The following LRP4 variants were observed in gnomAD, a reference collection of about 807,000 sequenced individuals.
The protein encoded by LRP4 is LDL receptor related protein 4.
LRP4 carries 95 observed loss-of-function variants against 220.3 expected under a neutral mutation model. That is an observed-to-expected ratio of 0.43 (90% confidence interval 0.37 to 0.51). The LOEUF (loss-of-function observed/expected upper bound fraction) is 0.51. LRP4 is among the 20% of genes least tolerant of loss of function. The pLI, the probability that LRP4 is intolerant of heterozygous loss-of-function variation, is 0.00. For synonymous variants in LRP4, 903 were observed against 954.6 expected (o/e 0.95, Z 1.00); for missense variants, 1,925 against 2,567.0 (o/e 0.75, Z 5.40).
chr11:46,879,171 C>G lies in LRP4; in HGVS notation c.2959G>C (p.Glu987Gln). 1 of 1,614,218 alleles carries G rather than the reference C, an allele frequency of 6.2e-7. No homozygotes were observed. The highest frequency in any genetic ancestry group is 8.5e-7 in the Non-Finnish European group (1 of 1,180,040). ...LDRETLQENL[E>Q]NLMDIHVFHR... ...AAGACATGGATGTCCATTAGGTTTT[C>G]CAGGTTCTCCTGCAGAGTCTCCCGG... The change falls in exon 21 of 38, where the codon GAA (glutamate) becomes CAA (glutamine). Residue 987 changes from glutamate to glutamine, a missense_variant. By Grantham distance (29) the Glu-to-Gln change is conservative. Around this residue, in one of 3 missense-constraint regions of LRP4, gnomAD observed 1,244 missense variants for 1,624.9 expected, o/e 0.77. Transcript: ENST00000378623.
At position 46,894,601 on chromosome 11, in the gene LRP4, GCCCA is replaced by G; in HGVS notation, c.1524_1527del (p.Gly509TrpfsTer301). 6.2e-7 allele frequency: 1 copy of G among 1,606,770 alleles called. No homozygotes were observed. The highest frequency in any genetic ancestry group is 8.5e-7 in the Non-Finnish European group (1 of 1,176,288). ...CCTTGTTCCCTACCTGGGCTCTCCAGCCCAGTAGACACAACCTCCTCCACGTTGC... is the reference window on the plus strand; with the variant it reads ...CCTTGTTCCCTACCTGGGCTCTCCAGGTAGACACAACCTCCTCCACGTTGC... On this transcript the variant is annotated frameshift_variant, in exon 12 of 38. Transcript: ENST00000378623. LOFTEE classifies it high-confidence loss of function.
chr11:46,881,618 C>CA, intron 20 of LRP4, 84 bp downstream of exon 20: 1 of 1,370,102 alleles, frequency 7.3e-7, no homozygotes, highest in Non-Finnish European at 1.0e-6. Flanking sequence ...AGCTGCCAGC[C>CA]AAAAAGTACT....
chr11:46,873,626 A>G lies in LRP4; in HGVS notation c.4230-33T>C, dbSNP rs201449597. ...AGAGCCCAGTGTTGGATGAGCAACC[A>G]GACTGACCCAGAATAGAGTAGAACT... is the stretch of plus-strand genomic sequence containing the variant. On this transcript the variant is annotated intron_variant, in intron 28 of 37. Coordinates refer to ENST00000378623, the MANE Select transcript of LRP4 (RefSeq NM_002334.4). The surrounding 1 kb of genome is among the most constrained non-coding windows in gnomAD (Gnocchi z 4.2). 58 of 1,560,146 alleles carry G rather than the reference A, an allele frequency of 3.7e-5. No homozygotes were observed. The East Asian group carries it at 5.2e-4, about 14-fold the overall frequency.
chr11:46,869,239 C>T, intron 31 of LRP4, 107 bp from the exon 32 acceptor site: 1 of 1,028,106 alleles, frequency 9.7e-7, no homozygotes, highest in Non-Finnish European at 1.5e-6. Context: ...GCTGAAATGC[C>T]CTCTTCATCT....
chr11:46,883,521 A>G (rs1941210644), intron 19 of LRP4, among the ~76,000 whole-genome samples: 1 of 152,220 alleles, frequency 6.6e-6, no homozygotes, highest in South Asian at 2.1e-4. Flanking sequence ...CATAAGGGAT[A>G]CTTTTAGTTA....
At chr11:46,885,688 A>G (rs4581405) in intron 18 of LRP4, among the ~76,000 whole-genome samples, 150,394 of 151,178 alleles carry the variant, frequency 0.99, 74,811 homozygotes, top group Middle Eastern at 1. Context: ...AGGAGAAAAC[A>G]GCATGAACCC....
intron 36 of LRP4, among the ~76,000 whole-genome samples, chr11:46,863,631 T>C (rs184770177): frequency 0.025 from 3,710 of 146,986 alleles, 154 homozygotes; most frequent in African/African-American, 0.089. Context: ...TGGTGGTGCA[T>C]GCTTGTAGTT....
At chr11:46,860,703 C>T (rs888499522) in intron 37 of LRP4, among the ~76,000 whole-genome samples, 1 of 152,204 alleles carries the variant, frequency 6.6e-6, no homozygotes. Flanking sequence ...TCCCTGCCCT[C>T]TGAGAGTGAC....
rs1202089878 is a variant in LRP4 at position 46,879,240 on chromosome 11, G to C, written c.2890C>G (p.Gln964Glu). ...YGERIYWTDW[Q>E]TKSIQSADRL... ...TCAGCGCTCTGTATGCTCTTGGTCT[G>C]CCAGTCAGTCCAATAGATGCGCTCT... Residue 964 changes from glutamine to glutamate, a missense_variant, in exon 21 of 38, where the codon CAG becomes GAG. Coordinates refer to ENST00000378623, the MANE Select transcript of LRP4 (RefSeq NM_002334.4). 1 of 1,614,232 alleles carries C rather than the reference G, an allele frequency of 6.2e-7. No homozygotes were observed. The highest frequency in any genetic ancestry group is 1.1e-5 in the South Asian group (1 of 91,080).
intron 34 of LRP4, among the ~76,000 whole-genome samples, chr11:46,866,731 C>G (rs991348059): frequency 2.0e-5 from 3 of 152,080 alleles, no homozygotes; most frequent in East Asian, 3.9e-4. Flanking sequence ...CCAGCCTGGG[C>G]AACATGGTGA....
intron 34 of LRP4, among the ~76,000 whole-genome samples, chr11:46,866,505 T>C (rs756745028): frequency 6.6e-6 from 1 of 152,130 alleles, no homozygotes. Context: ...AGGCTTGTCT[T>C]GAATTCCTGG....
At chr11:46,902,084 G>A (rs564025454) in intron 2 of LRP4, among the ~76,000 whole-genome samples, 2 of 151,722 alleles carry the variant, frequency 1.3e-5, no homozygotes, top group South Asian at 2.1e-4. Flanking sequence ...GTGGCTGGGC[G>A]TGGTGGTTCA....
At position 46,883,928 on chromosome 11, in the gene LRP4, A is replaced by T. The variant is rs772497723; in HGVS notation, c.2555T>A (p.Val852Glu). Reference protein sequence around the residue: ...VANTDGSMRTVLIWENLDRPR... With the variant: ...VANTDGSMRTELIWENLDRPR... Reference sequence around the variant, plus strand: ...ACGATCAAGGTTCTCCCAGATGAGTACTGTTCTCATGCTGCCATCTGTGTT... The same window carrying T: ...ACGATCAAGGTTCTCCCAGATGAGTTCTGTTCTCATGCTGCCATCTGTGTT... The change falls in exon 19 of 38, where the codon GTA becomes GAA. Residue 852 changes from valine to glutamate, a missense_variant. Around this residue, in one of 3 missense-constraint regions of LRP4, gnomAD observed 1,244 missense variants for 1,624.9 expected, o/e 0.77. Coordinates refer to ENST00000378623, the MANE Select transcript of LRP4 (RefSeq NM_002334.4). 10 of 1,614,092 alleles carry T rather than the reference A, an allele frequency of 6.2e-6. No individual in the cohort carries two copies.
chr11:46,867,918 G>A, intron 34 of LRP4, 61 bp downstream of exon 34: 1 of 1,608,452 alleles, frequency 6.2e-7, no homozygotes, highest in Non-Finnish European at 8.5e-7. Flanking sequence ...GGGACTATGA[G>A]TTGGTCATGG....
chr11:46,880,028 C>T lies in LRP4; in HGVS notation c.2815-713G>A, dbSNP rs532774070. On this transcript the variant is annotated intron_variant, in intron 20 of 37. Coordinates refer to ENST00000378623, the MANE Select transcript of LRP4 (RefSeq NM_002334.4). ...GCTGAGGCAGGAGAATTGCTTGAAC[C>T]CGGGAGACAGAGATTGCAGTGAGCT... Among the ~76,000 whole-genome samples, 309 of 152,206 alleles carry T rather than the reference C, an allele frequency of 2.0e-3. 1 individual carries two copies. Among genetic ancestry groups the T allele is most frequent in the Middle Eastern group, 3.4e-3 (1 of 294 alleles).
Position 46,899,146 on chromosome 11 carries a change from A to T in LRP4, c.548-114T>A. 1 of 1,092,532 alleles carries T rather than the reference A, an allele frequency of 9.2e-7. No homozygotes were observed. The highest frequency in any genetic ancestry group is 1.5e-5 in the African/African-American group (1 of 65,072). The allele number at this position is 1,092,532 out of a possible 1,614,324, so 67.7% of individuals were successfully genotyped here. Reference sequence around the variant, plus strand: ...AGGCAGGAGAGCTTCTTCAAGTGAGATGTAACCAGGTTTCATCTGGGACAG... The same window carrying T: ...AGGCAGGAGAGCTTCTTCAAGTGAGTTGTAACCAGGTTTCATCTGGGACAG... On this transcript the variant is annotated intron_variant, in intron 5 of 37. Transcript: ENST00000378623. The surrounding 1 kb of genome is among the most constrained non-coding windows in gnomAD (Gnocchi z 5.9).
intron 15 of LRP4, 77 bp from the exon 16 acceptor site, chr11:46,889,610 G>A (rs1241054223): frequency 6.3e-7 from 1 of 1,586,156 alleles, no homozygotes; most frequent in African/African-American, 1.3e-5. Context: ...TAGGGGTTTA[G>A]GTAGGGTGAT....
chr11:46,858,901 GGGCCT>G lies in LRP4; in HGVS notation c.*77_*81del. 7.6e-7 allele frequency: 1 copy of G among 1,317,500 alleles called. No individual in the cohort carries two copies. The highest frequency in any genetic ancestry group is 1.1e-6 in the Non-Finnish European group (1 of 912,864). 81.6% of individuals were successfully genotyped at this position (1,317,500 alleles called of 1,614,324 possible). On this transcript the variant is annotated 3_prime_UTR_variant, in exon 38 of 38. Transcript: ENST00000378623. ...GGAGGAGGACAAGCACACAGAAGCG[GGGCCT>G]GCGGTGTAAGCGAGCACAAGGACTA...
chr11:46,865,772 T>G (rs1346385356), intron 34 of LRP4, among the ~76,000 whole-genome samples: 1 of 152,210 alleles, frequency 6.6e-6, no homozygotes, highest in Non-Finnish European at 1.5e-5. Context: ...GGAACCAAGA[T>G]GCACTGAATT....
Sources: gnomAD v4.1 joint callset for allele counts (sites outside exome capture counted in the v4.1 genomes callset) on GRCh38, gnomAD v4.1.1 for gene constraint, gnomAD v4.1.1 regional missense constraint, Gnocchi (gnomAD v3.1) non-coding constraint, MANE v1.5 for transcripts, NCBI Gene and HGNC (gene_info 2026-07-23, HGNC 2026-07-21) for gene names.